SRFBP1: variants seen among roughly 807,000 people sequenced by gnomAD.
SRFBP1 encodes the protein serum response factor binding protein 1, also known as serum response factor-binding protein 1.
In SRFBP1, 47 loss-of-function variants were observed where a neutral mutation model predicts 45.5. The observed-to-expected ratio is 1.03, with a 90% CI of 0.82 to 1.32. The LOEUF (loss-of-function observed/expected upper bound fraction) is 1.32. SRFBP1 is among the 40% of genes most tolerant of loss of function. The pLI, the probability that SRFBP1 is intolerant of heterozygous loss-of-function variation, is 0.00. For synonymous variants in SRFBP1, 203 were observed against 166.3 expected (o/e 1.22, Z -1.70); for missense variants, 621 against 484.6 (o/e 1.28, Z -2.64).
intron 2 of SRFBP1, among the ~76,000 whole-genome samples, chr5:122,051,929 G>T (rs1159619373): frequency 6.6e-6 from 1 of 152,144 alleles, no homozygotes; most frequent in Non-Finnish European, 1.5e-5. Context: ...ATAAGCTCTT[G>T]TAAGGCAGGT....
intron 3 of SRFBP1, among the ~76,000 whole-genome samples, chr5:121,990,853 A>G (rs1752607960): frequency 6.6e-6 from 1 of 152,206 alleles, no homozygotes; most frequent in South Asian, 2.1e-4. Context: ...CACTTGAAGC[A>G]GAATTGTTCC....
chr5:121,978,592 A>C (rs1036704888), intron 3 of SRFBP1, among the ~76,000 whole-genome samples: 3 of 152,032 alleles, frequency 2.0e-5, no homozygotes, highest in Non-Finnish European at 2.9e-5. Flanking sequence ...CCTGGGTTCA[A>C]ATGATTCTCC....
intron 2 of SRFBP1, among the ~76,000 whole-genome samples, chr5:122,068,751 T>A (rs1455607813): frequency 6.6e-6 from 1 of 152,160 alleles, no homozygotes; most frequent in Non-Finnish European, 1.5e-5. Context: ...GTCCTATTTA[T>A]GTTTGCATTA....
chr5:121,985,374 G>C (rs993803996), intron 3 of SRFBP1, among the ~76,000 whole-genome samples: 5 of 151,356 alleles, frequency 3.3e-5, no homozygotes, highest in Admixed American at 6.6e-5. Context: ...AGTATGTGTA[G>C]AATCAAGAAA....
chr5:122,067,921 ACTCTGATTC>A (rs1004627938), intron 2 of SRFBP1, among the ~76,000 whole-genome samples: 15 of 151,950 alleles, frequency 9.9e-5, no homozygotes, highest in African/African-American at 3.4e-4. Context: ...CTCTGTCTGA[ACTCTGATTC>A]CTAGGAAGGA....
chr5:121,988,889 A>G (rs535796613), intron 3 of SRFBP1, among the ~76,000 whole-genome samples: 20 of 152,318 alleles, frequency 1.3e-4, no homozygotes, highest in Admixed American at 1.2e-3. Context: ...TCCTAAGTTC[A>G]TAATGTATAA....
At chr5:121,984,153 G>A (rs1048243659) in intron 3 of SRFBP1, among the ~76,000 whole-genome samples, 1 of 151,790 alleles carries the variant, frequency 6.6e-6, no homozygotes, top group East Asian at 1.9e-4. Flanking sequence ...CTCTAAAGTA[G>A]TGATTTTATT....
intron 3 of SRFBP1, among the ~76,000 whole-genome samples, chr5:121,990,785 A>T (rs1402698194): frequency 6.6e-6 from 1 of 152,168 alleles, no homozygotes. Context: ...TGTTTGTTTT[A>T]TGTATGTCCT....
At chr5:122,005,974 A>G (rs1752964955) in intron 4 of SRFBP1, among the ~76,000 whole-genome samples, 1 of 152,280 alleles carries the variant, frequency 6.6e-6, no homozygotes, top group Middle Eastern at 3.4e-3. Flanking sequence ...TCTAAATTTG[A>G]CTATGTACTT....
rs753437139 is a variant in SRFBP1, at chr5:122,028,161, A to G, written c.*1035A>G. ...TCCCTTCAAATGTTTCACTTTTGCT[A>G]TGCTGGGAAAAATTTTGAAGTTCTT... On this transcript the variant is annotated 3_prime_UTR_variant, in exon 8 of 8. Coordinates refer to ENST00000339397, the MANE Select transcript of SRFBP1 (RefSeq NM_152546.3). 3 of 152,204 alleles carry G rather than the reference A, an allele frequency of 2.0e-5. No homozygotes were observed. The highest frequency in any genetic ancestry group is 4.4e-5 in the Non-Finnish European group (3 of 68,026). The allele number at this position is 152,204 out of a possible 1,614,324, so 9.4% of individuals were successfully genotyped here.
intron 2 of SRFBP1, among the ~76,000 whole-genome samples, chr5:122,043,132 T>C (rs1038588115): frequency 6.6e-6 from 1 of 152,218 alleles, no homozygotes; most frequent in Non-Finnish European, 1.5e-5. Flanking sequence ...GATAGTCTCA[T>C]TCTTAAATAA....
intron 2 of SRFBP1, chr5:122,066,107 T>G (rs1189064208): frequency 6.6e-6 from 1 of 152,142 alleles, no homozygotes; most frequent in African/African-American, 2.4e-5. Context: ...ATTGTGCACT[T>G]GAAAGAAAGG....
intron 1 of SRFBP1, among the ~76,000 whole-genome samples, chr5:121,969,586 A>G (rs576553143): frequency 8.5e-5 from 13 of 152,104 alleles, no homozygotes; most frequent in South Asian, 2.1e-4. Flanking sequence ...GAGATGCCCT[A>G]TGTTTAGATT....
chr5:122,059,167 G>C (rs1754132399), intron 2 of SRFBP1, among the ~76,000 whole-genome samples: 1 of 152,024 alleles, frequency 6.6e-6, no homozygotes, highest in African/African-American at 2.4e-5. Flanking sequence ...GTAGGAGATG[G>C]GGCAACAAGG....
At chr5:121,967,874 A>G (rs141333929) in intron 1 of SRFBP1, among the ~76,000 whole-genome samples, 239 of 152,334 alleles carry the variant, frequency 1.6e-3, no homozygotes, top group African/African-American at 5.5e-3. Flanking sequence ...TTTGTTAACT[A>G]TGAATTACTT....
chr5:122,042,134 T>G (rs1287526135), intron 2 of SRFBP1, among the ~76,000 whole-genome samples: 1 of 152,234 alleles, frequency 6.6e-6, no homozygotes, highest in East Asian at 1.9e-4. Context: ...GACAACTCTA[T>G]TTTTTCTGTA....
At chr5:122,022,533 G>A (rs957761986) in intron 7 of SRFBP1, 126 bp downstream of exon 7, 2 of 707,196 alleles carry the variant, frequency 2.8e-6, no homozygotes, top group African/African-American at 3.7e-5. Flanking sequence ...AATGTTAACA[G>A]AGCATCTTAC....
At chr5:122,018,728 A>C (rs1231521208) in intron 4 of SRFBP1, among the ~76,000 whole-genome samples, 1 of 152,142 alleles carries the variant, frequency 6.6e-6, no homozygotes, top group Non-Finnish European at 1.5e-5. Context: ...TATATTGAAT[A>C]CTGTATATAA....
Position 122,001,578 on chromosome 5 carries a change from G to A in SRFBP1, c.270+6908G>A, listed in dbSNP as rs868836055. 6.5e-4 allele frequency among the ~76,000 whole-genome samples: 82 copies of A among 126,994 alleles called. 1 individual carries two copies. Among genetic ancestry groups the A allele is most frequent in the South Asian group, 4.9e-4 (2 of 4,120 alleles). The allele number at this position is 126,994 out of a possible 152,430, so 83.3% of individuals were successfully genotyped here. A position where few individuals can be genotyped will look rare whatever the true frequency, so the allele number is the denominator to read the frequency against. ...TTTTTTTTTTTTTTTTTTTTGAGAC[G>A]GAGTCTCGCTCTGTCGCCCAGGCCG... On this transcript the variant is annotated intron_variant, in intron 4 of 7. Coordinates refer to ENST00000339397, the MANE Select transcript of SRFBP1 (RefSeq NM_152546.3).
Sources: allele counts gnomAD v4.1 joint callset (sites outside exome capture counted in the v4.1 genomes callset), GRCh38; gene constraint gnomAD v4.1.1; transcripts MANE v1.5; gene names NCBI Gene and HGNC (gene_info 2026-07-23, HGNC 2026-07-21).